Variants in GRIN2B observed in about 807,000 individuals in gnomAD.
GRIN2B encodes glutamate receptor ionotropic, NMDA 2B.
A neutral mutation model predicts 114.5 loss-of-function variants in GRIN2B; 5 were observed. The ratio of observed to expected loss-of-function variants is 0.04; its 90% CI spans 0.02 to 0.09. The LOEUF is 0.09. GRIN2B is among the 10% of genes least tolerant of loss of function. The probability of loss-of-function intolerance (pLI) is 1.00; values close to 1 mark genes in which losing one functional copy is unlikely to be tolerated. For synonymous variants in GRIN2B, 787 were observed against 745.1 expected (o/e 1.06, Z -0.92); for missense variants, 1,108 against 1,943.5 (o/e 0.57, Z 8.08).
At chr12:13,600,661 G>T (rs1035685187) in intron 10 of GRIN2B, among the ~76,000 whole-genome samples, 1 of 152,152 alleles carries the variant, frequency 6.6e-6, no homozygotes, top group African/African-American at 2.4e-5. Flanking sequence ...GCACAGTCTA[G>T]AATATGAGAA....
rs1341372755 is a variant in GRIN2B, at chr12:13,607,291, T to TAAAAA, written c.2010+1311_2010+1312insTTTTT. On this transcript the variant is annotated intron_variant, in intron 10 of 13. Transcript: ENST00000609686. ...TATATAAAATATATAATATATATTA[T>TAAAAA]ATAAAAATATATATTATATATAATA... Among the ~76,000 whole-genome samples, 22 of 16,146 alleles carry TAAAAA rather than the reference T, an allele frequency of 1.4e-3. 1 individual carries two copies. Among genetic ancestry groups the TAAAAA allele is most frequent in the Middle Eastern group, 0.038 (1 of 26 alleles). The allele number at this position is 16,146 out of a possible 152,430, so 10.6% of individuals were successfully genotyped here.
intron 10 of GRIN2B, among the ~76,000 whole-genome samples, chr12:13,597,442 C>T (rs574128833): frequency 6.6e-6 from 1 of 152,228 alleles, no homozygotes; most frequent in African/African-American, 2.4e-5. Context: ...CTCCTCCTTC[C>T]ACCAAGTCTC....
chr12:13,587,474 C>T (rs1948945025), intron 10 of GRIN2B, among the ~76,000 whole-genome samples: 1 of 151,954 alleles, frequency 6.6e-6, no homozygotes, highest in South Asian at 2.1e-4. Flanking sequence ...CCCACCTCAG[C>T]CTCCCAAGTA....
chr12:13,770,907 C>T (rs1863895649), intron 3 of GRIN2B, among the ~76,000 whole-genome samples: 1 of 152,130 alleles, frequency 6.6e-6, no homozygotes, highest in East Asian at 1.9e-4. Context: ...AGTTTTACTC[C>T]CCGTATTTCT....
At chr12:13,956,250 G>T (rs927281342) in intron 2 of GRIN2B, among the ~76,000 whole-genome samples, 3 of 152,178 alleles carry the variant, frequency 2.0e-5, no homozygotes, top group Non-Finnish European at 2.9e-5. Context: ...TGGGCAGGAG[G>T]CGACAAAGGC....
intron 4 of GRIN2B, among the ~76,000 whole-genome samples, chr12:13,689,361 G>A (rs1412335850): frequency 6.6e-6 from 1 of 152,140 alleles, no homozygotes; most frequent in Non-Finnish European, 1.5e-5. Context: ...CACATAGTAG[G>A]CACTCAGTAA....
At chr12:13,841,462 C>A (rs1392610023) in intron 3 of GRIN2B, among the ~76,000 whole-genome samples, 1 of 152,148 alleles carries the variant, frequency 6.6e-6, no homozygotes, top group Admixed American at 6.5e-5. Context: ...ATCCCGGAAC[C>A]TCATCAGTCT....
intron 2 of GRIN2B, among the ~76,000 whole-genome samples, chr12:13,958,589 G>A (rs143999231): frequency 1.1e-3 from 171 of 152,260 alleles, no homozygotes; most frequent in African/African-American, 4.0e-3. Flanking sequence ...AGATGCCCAG[G>A]ACATGGCACT....
rs572128979 is a variant in GRIN2B at position 13,558,282 on chromosome 12, T to C, written c.*4501A>G. 6.6e-6 allele frequency: 1 copy of C among 152,274 alleles called. No homozygotes were observed. Among genetic ancestry groups the C allele is most frequent in the East Asian group, 1.9e-4 (1 of 5,184 alleles). 9.4% of individuals were successfully genotyped at this position (152,274 alleles called of 1,614,324 possible). On this transcript the variant is annotated 3_prime_UTR_variant, in exon 14 of 14. Transcript: ENST00000609686. The stretch of plus-strand genomic sequence containing the variant: ...AATATCACTGCAGTGACATCATTTA[T>C]GCACACATCTGAATCATTCCTAACA...
At chr12:13,882,650 T>C (rs1281994689) in intron 2 of GRIN2B, among the ~76,000 whole-genome samples, 9 of 152,156 alleles carry the variant, frequency 5.9e-5, no homozygotes, top group Non-Finnish European at 1.0e-4. Context: ...AGTTGAAAGA[T>C]ACTATGCAAA....
intron 3 of GRIN2B, among the ~76,000 whole-genome samples, chr12:13,840,140 CGT>C (rs1865352710): frequency 1.3e-5 from 2 of 152,106 alleles, no homozygotes; most frequent in African/African-American, 4.8e-5. Context: ...CAGTGCGTAA[CGT>C]ACTGCTCTGT....
intron 3 of GRIN2B, among the ~76,000 whole-genome samples, chr12:13,796,471 T>A (rs1864421098): frequency 6.6e-6 from 1 of 152,232 alleles, no homozygotes; most frequent in African/African-American, 2.4e-5. Flanking sequence ...AGCTTGGGTT[T>A]ACAAATCACC....
At chr12:13,837,578 G>A (rs573767945) in intron 3 of GRIN2B, among the ~76,000 whole-genome samples, 2 of 152,338 alleles carry the variant, frequency 1.3e-5, no homozygotes, top group Admixed American at 1.3e-4. Context: ...TGTTTTAACA[G>A]TGAGGAGCCT....
rs138702746 is a variant in GRIN2B, at chr12:13,926,869, C to T, written c.-19+53059G>A. Among the ~76,000 whole-genome samples the T allele has an allele frequency of 7.7e-4, 117 of 151,516 alleles. 3 individuals are homozygous for T. In the East Asian group the frequency reaches 0.021, roughly 27 times the overall value. The stretch of plus-strand genomic sequence containing the variant: ...TTAGGAGGCTGAGGCAGGAGAATGG[C>T]GTGAACCCAGGAGGTGGAGCTTGCA... On this transcript the variant is annotated intron_variant, in intron 2 of 13. Coordinates refer to ENST00000609686, the MANE Select transcript of GRIN2B (RefSeq NM_000834.5).
intron 2 of GRIN2B, among the ~76,000 whole-genome samples, chr12:13,964,512 A>G (rs760661387): frequency 5.3e-5 from 8 of 152,202 alleles, no homozygotes; most frequent in Middle Eastern, 3.2e-3. Flanking sequence ...CCTTCTAGAG[A>G]CAAGTAACCA....
intron 4 of GRIN2B, among the ~76,000 whole-genome samples, chr12:13,700,590 C>T (rs1250635899): frequency 6.6e-6 from 1 of 152,108 alleles, no homozygotes; most frequent in Admixed American, 6.5e-5. Context: ...TGGAAAGGCC[C>T]ACATGGAAGA....
chr12:13,746,106 A>G (rs1162139618), intron 4 of GRIN2B, among the ~76,000 whole-genome samples: 9 of 152,148 alleles, frequency 5.9e-5, no homozygotes, highest in Admixed American at 5.9e-4. Context: ...AAAGGGACAG[A>G]GAGTGCTTGG....
chr12:13,686,850 T>C (rs1346903108), intron 4 of GRIN2B, among the ~76,000 whole-genome samples: 2 of 152,156 alleles, frequency 1.3e-5, no homozygotes, highest in African/African-American at 2.4e-5. Context: ...ATGTTGAAAT[T>C]TGAACCCCAA....
At chr12:13,975,600 C>G (rs1275621276) in intron 2 of GRIN2B, among the ~76,000 whole-genome samples, 1 of 152,192 alleles carries the variant, frequency 6.6e-6, no homozygotes, top group Non-Finnish European at 1.5e-5. Flanking sequence ...CTAAACCCAA[C>G]AGAACAAACA....
Sources: gnomAD v4.1 joint callset for allele counts (sites outside exome capture counted in the v4.1 genomes callset) on GRCh38, gnomAD v4.1.1 for gene constraint, MANE v1.5 for transcripts, NCBI Gene and HGNC (gene_info 2026-07-23, HGNC 2026-07-21) for gene names.